The following C12orf42 variants were observed in gnomAD, a reference collection of about 807,000 sequenced individuals.
C12orf42 encodes the protein uncharacterized protein C12orf42.
In C12orf42, 25 loss-of-function variants were observed where a neutral mutation model predicts 21.6. The ratio of observed to expected loss-of-function variants is 1.16; its 90% CI spans 0.84 to 1.62. The LOEUF (loss-of-function observed/expected upper bound fraction) is 1.62. Ranked by LOEUF, C12orf42 falls within the 40% of genes most tolerant of loss-of-function variation. The pLI is 0.00. For missense variants in C12orf42, 483 were observed against 459.3 expected, an observed-to-expected ratio of 1.05 and a Z score of -0.47; for synonymous variants, 174 against 175.0, an observed-to-expected ratio of 0.99 and a Z score of 0.05.
the C12orf42 span, among the ~76,000 whole-genome samples, chr12:103,518,846 T>C: frequency 6.6e-6 from 1 of 152,288 alleles, no homozygotes; most frequent in African/African-American, 2.4e-5. Flanking sequence ...TTAAATAACG[T>C]ACTCAAGATC....
At chr12:103,543,986 C>T in the C12orf42 span, among the ~76,000 whole-genome samples, 2 of 151,906 alleles carry the variant, frequency 1.3e-5, no homozygotes, top group South Asian at 2.1e-4. Flanking sequence ...TTCCACCTCC[C>T]GGGTTCACAC....
At chr12:103,195,350 G>A in the C12orf42 span, among the ~76,000 whole-genome samples, 11 of 152,100 alleles carry the variant, frequency 7.2e-5, no homozygotes, top group Non-Finnish European at 1.3e-4. Context: ...TCTGTTTTAA[G>A]TTCTTTGAGG....
At chr12:103,120,728 T>C in the C12orf42 span, among the ~76,000 whole-genome samples, 3 of 149,230 alleles carry the variant, frequency 2.0e-5, no homozygotes, top group Non-Finnish European at 3.0e-5. Context: ...GTTATTACTA[T>C]AATAATGATT....
the C12orf42 span, among the ~76,000 whole-genome samples, chr12:103,167,877 G>C: frequency 8.4e-6 from 1 of 119,090 alleles, no homozygotes; most frequent in African/African-American, 3.2e-5. Context: ...CTGAGGGGTG[G>C]GCGTGTGTGT....
the C12orf42 span, among the ~76,000 whole-genome samples, chr12:103,110,312 A>G: frequency 6.6e-6 from 1 of 152,228 alleles, no homozygotes; most frequent in Admixed American, 6.5e-5. Flanking sequence ...TTGAGTATGA[A>G]GGCATTTATA....
At chr12:103,216,071 G>A in the C12orf42 span, among the ~76,000 whole-genome samples, 1 of 152,130 alleles carries the variant, frequency 6.6e-6, no homozygotes, top group Admixed American at 6.5e-5. Flanking sequence ...CAAAGTCACC[G>A]ATCACAGATT....
At chr12:103,444,540 A>G (rs1198585834) in intron 2 of C12orf42, among the ~76,000 whole-genome samples, 3 of 152,028 alleles carry the variant, frequency 2.0e-5, no homozygotes, top group Non-Finnish European at 4.4e-5. Flanking sequence ...CTCCATTTGT[A>G]TTTGTATTTG....
rs77020128 is a variant in C12orf42, at chr12:103,390,352, C to T, written c.147+11255G>A. ...TAACTATTTCTGAGTGTATAATTAA[C>T]GGATATTACGTACATACACAATGCT... On this transcript the variant is annotated intron_variant, in intron 3 of 5. Coordinates refer to ENST00000548883, the MANE Select transcript of C12orf42 (RefSeq NM_198521.5). Among the ~76,000 whole-genome samples the T allele has an allele frequency of 2.3e-3, 349 of 152,262 alleles. 2 individuals are homozygous for T. The highest frequency in any genetic ancestry group is 3.9e-3 in the East Asian group (20 of 5,194).
chr12:103,186,134 T>C, the C12orf42 span, among the ~76,000 whole-genome samples: 3 of 152,214 alleles, frequency 2.0e-5, no homozygotes, highest in Non-Finnish European at 4.4e-5. Context: ...CCTTTTGTTA[T>C]AGTTACCATC....
Position 103,306,003 on chromosome 12 carries a change from T to C in C12orf42, c.602A>G (p.Gln201Arg). The C allele has an allele frequency of 1.2e-6, 2 of 1,610,676 alleles. No homozygotes were observed. The highest frequency in any genetic ancestry group is 1.1e-5 in the South Asian group (1 of 91,032). ...HISRHTRPKG[Q>R]PLSSPKKNSG... ...ATTTTTCTTGGGACTGCTCAAGGGC[T>C]GGCCCTTAGGTCTTGTGTGTCTACT... Residue 201 changes from glutamine to arginine, a missense_variant, in exon 5 of 6, where the codon CAG becomes CGG. Transcript: ENST00000548883.
the C12orf42 span, among the ~76,000 whole-genome samples, chr12:103,198,473 A>G: frequency 6.6e-6 from 1 of 152,210 alleles, no homozygotes; most frequent in African/African-American, 2.4e-5. Context: ...AACAGTCACC[A>G]AAGGCCAAAG....
intron 2 of C12orf42, among the ~76,000 whole-genome samples, chr12:103,440,079 T>C (rs1312725435): frequency 1.4e-5 from 2 of 143,170 alleles, no homozygotes; most frequent in Non-Finnish European, 3.1e-5. Context: ...TATGCAGCCA[T>C]AAAAAATGAT....
chr12:103,195,678 T>G, the C12orf42 span, among the ~76,000 whole-genome samples: 1 of 152,060 alleles, frequency 6.6e-6, no homozygotes, highest in Non-Finnish European at 1.5e-5. Flanking sequence ...TGTTTATAGA[T>G]TCTATCAGAT....
At chr12:103,202,622 G>A in the C12orf42 span, among the ~76,000 whole-genome samples, 33 of 152,244 alleles carry the variant, frequency 2.2e-4, no homozygotes, top group South Asian at 1.0e-3. Context: ...TTTCTGTGCC[G>A]TAAGTCTTAT....
At chr12:103,049,012 G>A in the C12orf42 span, among the ~76,000 whole-genome samples, 3 of 152,158 alleles carry the variant, frequency 2.0e-5, no homozygotes, top group African/African-American at 7.2e-5. Flanking sequence ...GATAGGTTTC[G>A]TCCTTGCACC....
the C12orf42 span, among the ~76,000 whole-genome samples, chr12:103,117,920 G>A: frequency 6.6e-6 from 1 of 152,168 alleles, no homozygotes; most frequent in Non-Finnish European, 1.5e-5. Flanking sequence ...ACCAAAGAAA[G>A]CTAAGCATAC....
the C12orf42 span, among the ~76,000 whole-genome samples, chr12:103,506,863 T>TAATATATAA: frequency 1.3e-5 from 1 of 79,662 alleles, no homozygotes; most frequent in Non-Finnish European, 2.2e-5. Context: ...ATATATTATA[T>TAATATATAA]ATATATATTT....
intron 10 of C12orf42, among the ~76,000 whole-genome samples, chr12:103,261,490 A>C (rs1256721256): frequency 6.6e-6 from 1 of 151,518 alleles, no homozygotes; most frequent in African/African-American, 2.4e-5. Context: ...AAAAAAAAAA[A>C]AAAAAAAAGT....
chr12:103,512,576 C>T, the C12orf42 span, among the ~76,000 whole-genome samples: 2 of 152,156 alleles, frequency 1.3e-5, no homozygotes, highest in Non-Finnish European at 2.9e-5. Context: ...ACATATACCT[C>T]ATAAAATGGG....
Sources: gnomAD v4.1 joint callset for allele counts (sites outside exome capture counted in the v4.1 genomes callset) on GRCh38, gnomAD v4.1.1 for gene constraint, MANE v1.5 for transcripts, NCBI Gene and HGNC (gene_info 2026-07-23, HGNC 2026-07-21) for gene names.